RALGPS2: variants seen among roughly 807,000 people sequenced by gnomAD.
The protein encoded by RALGPS2 is ras-specific guanine nucleotide-releasing factor RalGPS2.
Under a neutral mutation model 86.8 loss-of-function variants are expected in RALGPS2, and 43 were observed. The ratio of observed to expected loss-of-function variants is 0.50; its 90% CI spans 0.39 to 0.64. RALGPS2 has a LOEUF of 0.64. Among genes scored for constraint, RALGPS2 ranks in the 30% least tolerant of loss-of-function variants. RALGPS2 has a pLI of 0.00. For synonymous variants in RALGPS2, 243 were observed against 231.3 expected (o/e 1.05, Z -0.46); for missense variants, 536 against 694.6 (o/e 0.77, Z 2.57).
At chr1:178,890,316 A>G (rs1052568577) in intron 14 of RALGPS2, among the ~76,000 whole-genome samples, 8 of 151,952 alleles carry the variant, frequency 5.3e-5, no homozygotes, top group Non-Finnish European at 1.2e-4. Context: ...ATGTGACCAA[A>G]CAATGCAAAT....
At chr1:178,827,539 C>T (rs939740849) in intron 7 of RALGPS2, among the ~76,000 whole-genome samples, 1 of 150,578 alleles carries the variant, frequency 6.6e-6, no homozygotes, top group South Asian at 2.1e-4. Context: ...GGACTACAGG[C>T]GCCCGCCACT....
At position 178,920,845 on chromosome 1, in the gene RALGPS2, AT is replaced by A. The variant is rs1374571607; in HGVS notation, c.*4489del. On this transcript the variant is annotated 3_prime_UTR_variant, in exon 20 of 20. Transcript: ENST00000367635. Reference sequence around the variant, plus strand: ...ATCCCTTTGGCCAGAAATGAGATTTATTTCCATTTATTTTTACATTTAAGTA... The same window carrying A: ...ATCCCTTTGGCCAGAAATGAGATTTATTCCATTTATTTTTACATTTAAGTA... 6.6e-6 allele frequency: 1 copy of A among 151,782 alleles called. No homozygotes were observed. Among genetic ancestry groups the A allele is most frequent in the Non-Finnish European group, 1.5e-5 (1 of 67,912 alleles). The allele number at this position is 151,782 out of a possible 1,614,324, so 9.4% of individuals were successfully genotyped here.
rs1321556307 is a variant in RALGPS2, at chr1:178,776,773, A to C, written c.9A>C (p.Leu3=). MD[L]MNGQASSVNI... is the part of the protein sequence containing the mutation. Reference sequence around the variant, plus strand: ...GGACTGATGAGGAAAGCATGGACCTAATGAACGGGCAGGCAAGCAGTGTCA... The same window carrying C: ...GGACTGATGAGGAAAGCATGGACCTCATGAACGGGCAGGCAAGCAGTGTCA... Residue 3 remains leucine, a synonymous_variant, in exon 2 of 20, where the codon CTA becomes CTC. Transcript: ENST00000367635. 2 of 1,612,810 alleles carry C rather than the reference A, an allele frequency of 1.2e-6. No homozygotes were observed. The highest frequency in any genetic ancestry group is 2.2e-5 in the East Asian group (1 of 44,782).
chr1:178,839,851 G>A (rs918325516), intron 8 of RALGPS2, among the ~76,000 whole-genome samples: 38 of 152,174 alleles, frequency 2.5e-4, no homozygotes, highest in Admixed American at 8.5e-4. Flanking sequence ...AAAAGGGGTT[G>A]CGATCCTAGT....
At chr1:178,908,876 A>G (rs1169470164) in intron 19 of RALGPS2, among the ~76,000 whole-genome samples, 2 of 152,054 alleles carry the variant, frequency 1.3e-5, no homozygotes, top group Admixed American at 1.3e-4. Context: ...TATTCTGCTG[A>G]TAGTTTCTTT....
chr1:178,780,320 A>G (rs1024216448), intron 2 of RALGPS2, among the ~76,000 whole-genome samples: 5 of 152,018 alleles, frequency 3.3e-5, no homozygotes, highest in African/African-American at 9.7e-5. Flanking sequence ...CCTTATTTCT[A>G]TTACTGTACT....
In RALGPS2 at chr1:178,847,318, C is replaced by T. The variant is rs562612452; in HGVS notation, c.607+13768C>T. On this transcript the variant is annotated intron_variant, in intron 8 of 19. Transcript: ENST00000367635. ...AAAATTAGCTGGGTGTGGTGGTGGG[C>T]GCCTGTAATCCCAGCTACTGGGGAG... Among the ~76,000 whole-genome samples the T allele has an allele frequency of 1.1e-4, 17 of 152,082 alleles. No homozygotes were observed. In the South Asian group the frequency reaches 1.9e-3, roughly 17 times the overall value.
chr1:178,916,059 C>T (rs1406175778), intron 19 of RALGPS2, among the ~76,000 whole-genome samples: 1 of 152,124 alleles, frequency 6.6e-6, no homozygotes, highest in Non-Finnish European at 1.5e-5. Context: ...TACTGAGCCC[C>T]CTGTGTTAGA....
rs760014967 is a variant in RALGPS2, at chr1:178,918,830, A to G, written c.*2471A>G. On this transcript the variant is annotated 3_prime_UTR_variant, in exon 20 of 20. Coordinates refer to ENST00000367635, the MANE Select transcript of RALGPS2 (RefSeq NM_152663.5). ...AATACCTGATAATAATTCAAAGAAA[A>G]TATGTTACCAAAATATATTAAATAT... The G allele has an allele frequency of 2.6e-5, 4 of 152,104 alleles. No individual in the cohort carries two copies. Among genetic ancestry groups the G allele is most frequent in the Non-Finnish European group, 4.4e-5 (3 of 67,966 alleles). The allele number at this position is 152,104 out of a possible 1,614,324, so 9.4% of individuals were successfully genotyped here.
intron 8 of RALGPS2, among the ~76,000 whole-genome samples, chr1:178,874,594 T>C (rs560346786): frequency 2.4e-4 from 37 of 152,206 alleles, no homozygotes; most frequent in African/African-American, 6.3e-4. Context: ...AGAATTCTTA[T>C]GAAACTCCTG....
chr1:178,789,267 G>T (rs987992963), intron 4 of RALGPS2, among the ~76,000 whole-genome samples: 2 of 152,154 alleles, frequency 1.3e-5, no homozygotes, highest in Admixed American at 6.5e-5. Context: ...GGGAAGAAGA[G>T]GTGGTACCAA....
chr1:178,829,460 T>A (rs1655910451), intron 7 of RALGPS2, among the ~76,000 whole-genome samples: 1 of 152,192 alleles, frequency 6.6e-6, no homozygotes, highest in Admixed American at 6.5e-5. Context: ...TGAACCCTAT[T>A]GTGAACTCCG....
At position 178,784,584 on chromosome 1, in the gene RALGPS2, G is replaced by A. The variant is rs557764029; in HGVS notation, c.162+62G>A. 22 of 1,278,962 alleles carry A rather than the reference G, an allele frequency of 1.7e-5. No individual in the cohort carries two copies. The African/African-American group carries it at 2.5e-4, about 15-fold the overall frequency. The allele number at this position is 1,278,962 out of a possible 1,614,324, so 79.2% of individuals were successfully genotyped here. A position where few individuals can be genotyped will look rare whatever the true frequency, so the allele number is the denominator to read the frequency against. ...ATAATTTACATATTGGTGCTATTGA[G>A]TTAGAATTTGTAGGTCCAGCAAAAG... On this transcript the variant is annotated intron_variant, in intron 3 of 19. Transcript: ENST00000367635.
intron 8 of RALGPS2, among the ~76,000 whole-genome samples, chr1:178,841,590 C>G (rs1656611217): frequency 4.0e-5 from 1 of 24,880 alleles, no homozygotes; most frequent in African/African-American, 1.2e-4. Flanking sequence ...AAAACTGGCA[C>G]AAGACAGGGA....
At chr1:178,760,739 C>A (rs10157994) in intron 1 of RALGPS2, among the ~76,000 whole-genome samples, 1 of 152,028 alleles carries the variant, frequency 6.6e-6, no homozygotes, top group African/African-American at 2.4e-5. Flanking sequence ...TAGCATTGAC[C>A]TTCAACAGTC....
chr1:178,740,043 A>C (rs1650929650), intron 1 of RALGPS2, among the ~76,000 whole-genome samples: 1 of 152,220 alleles, frequency 6.6e-6, no homozygotes, highest in Non-Finnish European at 1.5e-5. Context: ...TCTTGAATGG[A>C]GTATGGCAAC....
At chr1:178,858,748 A>G (rs944718929) in intron 8 of RALGPS2, among the ~76,000 whole-genome samples, 2 of 152,198 alleles carry the variant, frequency 1.3e-5, no homozygotes, top group Admixed American at 1.3e-4. Flanking sequence ...TTAAGAACCC[A>G]TATTTTGAAT....
At chr1:178,792,052 G>A (rs1653981285) in intron 4 of RALGPS2, among the ~76,000 whole-genome samples, 1 of 152,160 alleles carries the variant, frequency 6.6e-6, no homozygotes, top group African/African-American at 2.4e-5. Flanking sequence ...CAAACATAAT[G>A]CTAAGCCTGG....
At chr1:178,832,243 A>G (rs975411608) in intron 7 of RALGPS2, among the ~76,000 whole-genome samples, 1 of 152,208 alleles carries the variant, frequency 6.6e-6, no homozygotes, top group Non-Finnish European at 1.5e-5. Flanking sequence ...ACATTAAAGC[A>G]AAGGACCCCT....
Sources: gnomAD v4.1 joint callset for allele counts (sites outside exome capture counted in the v4.1 genomes callset) on GRCh38, gnomAD v4.1.1 for gene constraint, MANE v1.5 for transcripts, NCBI Gene and HGNC (gene_info 2026-07-23, HGNC 2026-07-21) for gene names.